The following CDH12 variants were observed in gnomAD, a reference collection of about 807,000 sequenced individuals.
CDH12 encodes cadherin 12, also known as cadherin-12.
CDH12 carries 41 observed loss-of-function variants against 74.1 expected under a neutral mutation model. The observed-to-expected ratio is 0.55, with a 90% CI of 0.43 to 0.72. The LOEUF (loss-of-function observed/expected upper bound fraction) is 0.72. Ranked by LOEUF, CDH12 falls within the 30% of genes least tolerant of loss-of-function variation. The pLI is 0.00. For missense variants in CDH12, 945 were observed against 977.2 expected (o/e 0.97, Z 0.44); for synonymous variants, 399 against 355.0 (o/e 1.12, Z -1.39).
At position 22,495,088 on chromosome 5, in the gene CDH12, C is replaced by T. The variant is rs116194023; in HGVS notation, c.-428+10182G>A. Among the ~76,000 whole-genome samples, 702 of 152,312 alleles carry T rather than the reference C, an allele frequency of 4.6e-3. 4 individuals are homozygous for T. Among genetic ancestry groups the T allele is most frequent in the African/African-American group, 0.016 (660 of 41,576 alleles). On this transcript the variant is annotated intron_variant, in intron 2 of 14. Transcript: ENST00000382254. ...GAAGCAGTTATCCTATATTTCACCC[C>T]TTCTGTCAGACCCCACGGGTATACA...
chr5:22,632,310 C>T (rs943479682), intron 1 of CDH12, among the ~76,000 whole-genome samples: 1 of 152,044 alleles, frequency 6.6e-6, no homozygotes, highest in African/African-American at 2.4e-5. Flanking sequence ...GTTACCCAGT[C>T]TCAGGAGTTC....
At chr5:22,140,463 T>C (rs1746723168) in intron 4 of CDH12, among the ~76,000 whole-genome samples, 1 of 152,046 alleles carries the variant, frequency 6.6e-6, no homozygotes, top group Non-Finnish European at 1.5e-5. Context: ...TAAGTTTCCT[T>C]TCGCATTCAT....
intron 3 of CDH12, among the ~76,000 whole-genome samples, chr5:22,320,365 G>T (rs964940949): frequency 1.3e-5 from 2 of 152,140 alleles, no homozygotes; most frequent in African/African-American, 4.8e-5. Context: ...TGATAAAATT[G>T]TAAATGGATT....
intron 6 of CDH12, among the ~76,000 whole-genome samples, chr5:21,855,989 T>C (rs1312472627): frequency 2.6e-5 from 4 of 151,760 alleles, no homozygotes; most frequent in Admixed American, 1.3e-4. Context: ...TGAGTGAATC[T>C]TGGCTATATT....
At chr5:22,636,277 A>C (rs1359347097) in intron 1 of CDH12, among the ~76,000 whole-genome samples, 1 of 150,776 alleles carries the variant, frequency 6.6e-6, no homozygotes, top group African/African-American at 2.4e-5. Context: ...CTTCTTAAAC[A>C]TAGTTGCCTA....
intron 2 of CDH12, among the ~76,000 whole-genome samples, chr5:22,495,400 T>C (rs1029526673): frequency 3.9e-5 from 6 of 152,184 alleles, no homozygotes; most frequent in Non-Finnish European, 7.3e-5. Context: ...AAAATGGGAA[T>C]GTTTTTAGTT....
chr5:22,526,011 A>C (rs1737257805), intron 1 of CDH12, among the ~76,000 whole-genome samples: 1 of 152,180 alleles, frequency 6.6e-6, no homozygotes, highest in South Asian at 2.1e-4. Flanking sequence ...TCAGGGAGTT[A>C]TCTCTACTGG....
intron 5 of CDH12, among the ~76,000 whole-genome samples, chr5:21,989,344 C>T (rs1157937382): frequency 6.6e-6 from 1 of 152,104 alleles, no homozygotes; most frequent in African/African-American, 2.4e-5. Flanking sequence ...ATTGTGAAAG[C>T]GATTGAGTTT....
At chr5:22,128,814 G>C (rs951464694) in intron 4 of CDH12, among the ~76,000 whole-genome samples, 15 of 152,070 alleles carry the variant, frequency 9.9e-5, no homozygotes, top group African/African-American at 3.4e-4. Flanking sequence ...CATTTGTCAA[G>C]TACATTTTCT....
chr5:22,661,559 G>C (rs745748964), intron 1 of CDH12, among the ~76,000 whole-genome samples: 1 of 151,962 alleles, frequency 6.6e-6, no homozygotes, highest in African/African-American at 2.4e-5. Flanking sequence ...ATTTATTTCA[G>C]ATAGATTTTG....
At chr5:22,059,170 C>G (rs1031559563) in intron 5 of CDH12, among the ~76,000 whole-genome samples, 6 of 152,038 alleles carry the variant, frequency 3.9e-5, no homozygotes, top group Non-Finnish European at 1.5e-5. Flanking sequence ...AGGTTTTAAT[C>G]AAAGGGAAAA....
chr5:22,549,721 A>G (rs534187448), intron 1 of CDH12, among the ~76,000 whole-genome samples: 2 of 152,214 alleles, frequency 1.3e-5, no homozygotes, highest in Non-Finnish European at 2.9e-5. Flanking sequence ...TGGTTAATCT[A>G]AAAACCAAGG....
At chr5:22,174,635 G>A (rs905940332) in intron 4 of CDH12, among the ~76,000 whole-genome samples, 5 of 151,880 alleles carry the variant, frequency 3.3e-5, no homozygotes, top group South Asian at 4.1e-4. Flanking sequence ...AGTTCTGCCT[G>A]TTCTATTAAG....
chr5:22,768,351 C>T (rs1483448307), intron 1 of CDH12, among the ~76,000 whole-genome samples: 6 of 151,980 alleles, frequency 3.9e-5, no homozygotes, highest in African/African-American at 1.2e-4. Context: ...TGAAAAACCC[C>T]ATTCAAAACC....
rs1384432254 is a variant in CDH12 at position 22,853,146 on chromosome 5, C to T, written c.-611G>A. ...CTCAGCCTTGCGCGGAAGGTGAGACCCTTCTCTTCTGTTTCCCCTTTCCAA... is the reference window on the plus strand; with the variant it reads ...CTCAGCCTTGCGCGGAAGGTGAGACTCTTCTCTTCTGTTTCCCCTTTCCAA... On this transcript the variant is annotated 5_prime_UTR_variant, in exon 1 of 15. Coordinates refer to ENST00000382254, the MANE Select transcript of CDH12 (RefSeq NM_004061.5). 6.6e-6 allele frequency: 1 copy of T among 152,222 alleles called. No homozygotes were observed. Among genetic ancestry groups the T allele is most frequent in the East Asian group, 1.9e-4 (1 of 5,182 alleles). The allele number at this position is 152,222 out of a possible 1,614,324, so 9.4% of individuals were successfully genotyped here. A position where few individuals can be genotyped will look rare whatever the true frequency, so the allele number is the denominator to read the frequency against.
intron 6 of CDH12, among the ~76,000 whole-genome samples, chr5:21,971,562 G>T (rs184583238): frequency 2.0e-5 from 3 of 152,208 alleles, no homozygotes; most frequent in Non-Finnish European, 4.4e-5. Flanking sequence ...GCTGACTCAA[G>T]GTGGCATAGC....
chr5:22,847,447 T>G (rs1416706013), intron 1 of CDH12, among the ~76,000 whole-genome samples: 2 of 152,170 alleles, frequency 1.3e-5, no homozygotes, highest in Non-Finnish European at 2.9e-5. Flanking sequence ...CTTCAATCAT[T>G]CCTACATTCT....
At chr5:22,155,907 A>G (rs1321259740) in intron 4 of CDH12, among the ~76,000 whole-genome samples, 2 of 151,966 alleles carry the variant, frequency 1.3e-5, no homozygotes, top group African/African-American at 4.8e-5. Flanking sequence ...CAGAGCTTTT[A>G]ATCTAATAAA....
intron 5 of CDH12, among the ~76,000 whole-genome samples, chr5:22,078,242 A>C (rs1044124553): frequency 1.1e-4 from 17 of 152,174 alleles, no homozygotes; most frequent in Non-Finnish European, 1.9e-4. Context: ...AATAATCAGG[A>C]AGAATTAAAG....
Sources: gnomAD v4.1 joint callset for allele counts (sites outside exome capture counted in the v4.1 genomes callset) on GRCh38, gnomAD v4.1.1 for gene constraint, MANE v1.5 for transcripts, NCBI Gene and HGNC (gene_info 2026-07-23, HGNC 2026-07-21) for gene names.